CNKSR2: variants seen among roughly 807,000 people sequenced by gnomAD.
The protein encoded by CNKSR2 is CNK homolog protein 2.
CNKSR2 carries 14 observed loss-of-function variants against 84.4 expected under a neutral mutation model. That is an observed-to-expected ratio of 0.17 (90% confidence interval 0.11 to 0.26). CNKSR2 has a LOEUF of 0.26. Ranked by LOEUF, CNKSR2 falls within the 10% of genes least tolerant of loss-of-function variation. The pLI is 1.00. For missense variants in CNKSR2, 485 were observed against 771.2 expected, an observed-to-expected ratio of 0.63 and a Z score of 4.40; for synonymous variants, 275 against 277.9, an observed-to-expected ratio of 0.99 and a Z score of 0.10.
At chrX:21,440,424 TA>T (rs943298821) in intron 3 of CNKSR2, among the ~76,000 whole-genome samples, 6 of 111,635 alleles carry the variant, frequency 5.4e-5, no homozygotes, top group African/African-American at 1.9e-4. Flanking sequence ...GTAGTGAAGA[TA>T]CCTTGTAAGA....
chrX:21,557,203 T>C, intron 11 of CNKSR2, among the ~76,000 whole-genome samples: 1 of 111,208 alleles, frequency 9.0e-6, no homozygotes, highest in Non-Finnish European at 1.9e-5. Flanking sequence ...CAAGCAATGT[T>C]GTACACTAGC....
intron 20 of CNKSR2, among the ~76,000 whole-genome samples, chrX:21,614,561 C>A (rs1158097995): frequency 1.8e-5 from 2 of 108,642 alleles, no homozygotes; most frequent in African/African-American, 7.0e-5. Flanking sequence ...CCATCCTTGG[C>A]TGATTATATA....
At chrX:21,560,218 G>A (rs2147184510) in intron 11 of CNKSR2, among the ~76,000 whole-genome samples, 1 of 111,208 alleles carries the variant, frequency 9.0e-6, no homozygotes, top group Non-Finnish European at 1.9e-5. Context: ...TGCAGTCTTT[G>A]CTGATGAGAC....
intron 11 of CNKSR2, among the ~76,000 whole-genome samples, chrX:21,536,974 T>A (rs892749969): frequency 1.7e-4 from 19 of 110,451 alleles, no homozygotes; most frequent in Admixed American, 1.5e-3. Flanking sequence ...GAGTGTTTAT[T>A]TGAAATCTTT....
intron 1 of CNKSR2, among the ~76,000 whole-genome samples, chrX:21,420,934 G>C (rs746646003): frequency 1.8e-5 from 2 of 111,230 alleles, no homozygotes; most frequent in Admixed American, 9.5e-5. Context: ...TCTGGGCCCT[G>C]TTCAGCATTA....
At chrX:21,378,599 T>C (rs2089853963) in intron 1 of CNKSR2, among the ~76,000 whole-genome samples, 1 of 111,408 alleles carries the variant, frequency 9.0e-6, no homozygotes, top group Non-Finnish European at 1.9e-5. Flanking sequence ...GGGCCCCTGT[T>C]ATTAACTTTA....
chrX:21,550,583 T>G (rs1241693107), intron 11 of CNKSR2, among the ~76,000 whole-genome samples: 1 of 112,237 alleles, frequency 8.9e-6, no homozygotes, highest in Non-Finnish European at 1.9e-5. Flanking sequence ...ACCCAAAGGA[T>G]AATAAATCAT....
chrX:21,506,355 T>G (rs1461207918), intron 8 of CNKSR2: 1 of 111,345 alleles, frequency 9.0e-6, no homozygotes, highest in East Asian at 2.8e-4. Context: ...CATCAATGAT[T>G]TTAGTTACTC....
At chrX:21,650,963 C>A (rs961818000) in intron 21 of CNKSR2, among the ~76,000 whole-genome samples, 17 of 111,650 alleles carry the variant, frequency 1.5e-4, no homozygotes, top group African/African-American at 5.5e-4. Flanking sequence ...CTCTCCACTT[C>A]CCCCATTCAG....
chrX:21,463,401 G>C (rs1186824078), intron 4 of CNKSR2, among the ~76,000 whole-genome samples: 1 of 110,879 alleles, frequency 9.0e-6, no homozygotes, highest in Non-Finnish European at 1.9e-5. Flanking sequence ...AGATTGAGTA[G>C]GATTGGTATT....
At chrX:21,606,988 C>A in intron 19 of CNKSR2, 109 bp downstream of exon 19, 1 of 404,200 alleles carries the variant, frequency 2.5e-6, no homozygotes, top group Non-Finnish European at 4.0e-6. Flanking sequence ...TAAGGTTTCT[C>A]AGCGGAAAAG....
intron 1 of CNKSR2, among the ~76,000 whole-genome samples, chrX:21,378,311 G>C (rs2089849280): frequency 9.0e-6 from 1 of 111,610 alleles, no homozygotes; most frequent in African/African-American, 3.3e-5. Context: ...ATTGGAAATT[G>C]CATCCAATCC....
At chrX:21,606,468 G>T in intron 18 of CNKSR2, 2 of 183,380 alleles carry the variant, frequency 1.1e-5, no homozygotes, top group Non-Finnish European at 2.0e-5. Flanking sequence ...CAGAATAATT[G>T]GGTCTGAAAT....
At chrX:21,385,060 T>C (rs914731294) in intron 1 of CNKSR2, among the ~76,000 whole-genome samples, 3 of 111,773 alleles carry the variant, frequency 2.7e-5, no homozygotes, top group African/African-American at 9.7e-5. Flanking sequence ...ACAATTCAGA[T>C]AGGTACACAA....
intron 13 of CNKSR2, among the ~76,000 whole-genome samples, chrX:21,571,891 T>C (rs1027421360): frequency 8.9e-6 from 1 of 112,207 alleles, no homozygotes; most frequent in Non-Finnish European, 1.9e-5. Flanking sequence ...GTTATTTTAG[T>C]GGCAAAGAAG....
intron 20 of CNKSR2, among the ~76,000 whole-genome samples, chrX:21,646,169 G>C (rs1443382175): frequency 9.0e-6 from 1 of 110,941 alleles, no homozygotes; most frequent in African/African-American, 3.3e-5. Flanking sequence ...TATTATCTCT[G>C]ATAGGAGCCA....
rs564695984 is a variant in CNKSR2, at chrX:21,526,345, C to G, written c.958-522C>G. Among the ~76,000 whole-genome samples the G allele has an allele frequency of 4.5e-4, 50 of 111,133 alleles. 1 individual carries two copies. In the South Asian group the frequency reaches 0.019, roughly 41 times the overall value. The stretch of plus-strand genomic sequence containing the variant: ...AATACTCTCGTATTGGCCTTTCATA[C>G]TCCCACTTTTGTAACCTTTTCTGAG... On this transcript the variant is annotated intron_variant, in intron 9 of 21. Coordinates refer to ENST00000379510, the MANE Select transcript of CNKSR2 (RefSeq NM_014927.5).
chrX:21,648,794 C>CTTTTTTT lies in CNKSR2; in HGVS notation c.2693-18_2693-12dup, dbSNP rs33962399. The CTTTTTTT allele has an allele frequency of 2.8e-3, 892 of 315,217 alleles. 23 individuals carry two copies. The highest frequency in any genetic ancestry group is 6.4e-3 in the African/African-American group (103 of 16,094). 26.0% of individuals were successfully genotyped at this position (315,217 alleles called of 1,213,427 possible). On this transcript the variant is annotated intron_variant, in intron 20 of 21. Transcript: ENST00000379510. ...TTTCTCTCTCTCTCTCTCTCTCTTT[C>CTTTTTTT]TTTTTTTTTTTTTTTTTTTTTTTTT...
chrX:21,528,940 C>T (rs1040372323), intron 10 of CNKSR2, among the ~76,000 whole-genome samples: 1 of 111,078 alleles, frequency 9.0e-6, no homozygotes. Context: ...AAACTTTTTG[C>T]AGTCGTGATT....
Sources: allele counts gnomAD v4.1 joint callset (sites outside exome capture counted in the v4.1 genomes callset), GRCh38; gene constraint gnomAD v4.1.1; transcripts MANE v1.5; gene names NCBI Gene and HGNC (gene_info 2026-07-23, HGNC 2026-07-21).